ASTN2: variants seen among roughly 807,000 people sequenced by gnomAD.
The protein encoded by ASTN2 is astrotactin 2.
Under a neutral mutation model 139.8 loss-of-function variants are expected in ASTN2, and 54 were observed. The ratio of observed to expected loss-of-function variants is 0.39; its 90% CI spans 0.31 to 0.48. The LOEUF is 0.48. ASTN2 is among the 20% of genes least tolerant of loss of function. The probability of loss-of-function intolerance (pLI) is 0.95; values close to 1 mark genes in which losing one functional copy is unlikely to be tolerated. For synonymous variants in ASTN2, 756 were observed against 719.5 expected, an observed-to-expected ratio of 1.05 and a Z score of -0.81; for missense variants, 1,565 against 1,725.1, an observed-to-expected ratio of 0.91 and a Z score of 1.64.
intron 10 of ASTN2, among the ~76,000 whole-genome samples, chr9:116,897,118 G>C (rs1356704808): frequency 2.0e-5 from 3 of 152,160 alleles, no homozygotes; most frequent in African/African-American, 7.2e-5. Context: ...CTGCCCACCT[G>C]CTCCCAAAAA....
intron 11 of ASTN2, among the ~76,000 whole-genome samples, chr9:116,838,303 T>C (rs1040343448): frequency 6.6e-6 from 1 of 150,636 alleles, no homozygotes; most frequent in Non-Finnish European, 1.5e-5. Flanking sequence ...GAGGCGGGGG[T>C]TTCTCCATGT....
chr9:116,632,173 AGAGAGAGAGAGGG>A lies in ASTN2; in HGVS notation c.3073-11743_3073-11731del, dbSNP rs1564168732. 2.3e-3 allele frequency among the ~76,000 whole-genome samples: 70 copies of A among 30,870 alleles called. 5 individuals carry two copies. The highest frequency in any genetic ancestry group is 9.3e-3 in the African/African-American group (65 of 7,002). The allele number at this position is 30,870 out of a possible 152,430, so 20.3% of individuals were successfully genotyped here. On this transcript the variant is annotated intron_variant, in intron 17 of 22. Transcript: ENST00000313400. ...GAGAGAGAGACAGAGAGAGAGAGAG[AGAGAGAGAGAGGG>A]AGAGAGAGAGAAAGAAAGAAAAGAA...
intron 3 of ASTN2, among the ~76,000 whole-genome samples, chr9:117,148,355 A>G (rs116330861): frequency 0.049 from 7,394 of 152,332 alleles, 313 homozygotes; most frequent in African/African-American, 0.11. Flanking sequence ...TAAATGCTCA[A>G]GAAAGAGTAG....
chr9:116,791,442 G>A (rs1830555829), intron 13 of ASTN2, among the ~76,000 whole-genome samples: 1 of 152,200 alleles, frequency 6.6e-6, no homozygotes, highest in Non-Finnish European at 1.5e-5. Context: ...GCCTTGACCA[G>A]CAGCTGGGCT....
rs193057683 is a variant in ASTN2, at chr9:116,750,722, C to T, written c.2397-17199G>A. Among the ~76,000 whole-genome samples the T allele has an allele frequency of 1.4e-4, 22 of 152,274 alleles. 1 individual carries two copies. The East Asian group carries it at 3.3e-3, about 23-fold the overall frequency. ...TTCCTTCTTATTCAATTCCAACAGT[C>T]CTGTCATAAGTTGGAGCCACAAGCA... On this transcript the variant is annotated intron_variant, in intron 13 of 22. Coordinates refer to ENST00000313400, the MANE Select transcript of ASTN2 (RefSeq NM_001365068.1).
chr9:117,053,754 T>C (rs10121507), intron 5 of ASTN2, among the ~76,000 whole-genome samples: 26,534 of 152,162 alleles, frequency 0.17, 2,561 homozygotes, highest in African/African-American at 0.25. Flanking sequence ...AAGAAAAGAA[T>C]TGGGGCCTTG....
At chr9:116,788,581 T>C (rs1459567308) in intron 13 of ASTN2, among the ~76,000 whole-genome samples, 3 of 152,104 alleles carry the variant, frequency 2.0e-5, no homozygotes, top group Admixed American at 6.5e-5. Flanking sequence ...AGTCATCAGA[T>C]CTCTTTGAGA....
chr9:117,231,956 C>T (rs549892885), intron 2 of ASTN2, among the ~76,000 whole-genome samples: 69 of 152,270 alleles, frequency 4.5e-4, no homozygotes, highest in African/African-American at 1.6e-3. Flanking sequence ...CTTTTCTCAT[C>T]ATTGCTTTTC....
intron 4 of ASTN2, among the ~76,000 whole-genome samples, chr9:117,114,074 T>A (rs1829316288): frequency 6.6e-6 from 1 of 152,186 alleles, no homozygotes; most frequent in African/African-American, 2.4e-5. Flanking sequence ...AAAATTTATA[T>A]GTTAGTAGTT....
intron 19 of ASTN2, among the ~76,000 whole-genome samples, chr9:116,556,612 A>T (rs1171509640): frequency 6.6e-6 from 1 of 152,160 alleles, no homozygotes; most frequent in Non-Finnish European, 1.5e-5. Flanking sequence ...TGAAATAGAG[A>T]GAGAGAAAGT....
intron 2 of ASTN2, among the ~76,000 whole-genome samples, chr9:117,253,527 A>T (rs1833597370): frequency 6.6e-6 from 1 of 151,334 alleles, no homozygotes. Flanking sequence ...TTGTGACAAA[A>T]GCAAGGGAGG....
chr9:116,555,540 G>A (rs1054612300), intron 19 of ASTN2, among the ~76,000 whole-genome samples: 11 of 144,294 alleles, frequency 7.6e-5, no homozygotes, highest in East Asian at 6.9e-4. Flanking sequence ...TCCCCACCCC[G>A]TCCCCACCCC....
At chr9:117,121,214 T>C (rs755242145) in intron 4 of ASTN2, among the ~76,000 whole-genome samples, 2 of 152,122 alleles carry the variant, frequency 1.3e-5, no homozygotes, top group African/African-American at 2.4e-5. Flanking sequence ...TTTCACAGAG[T>C]ATCACATTGG....
chr9:117,232,545 T>C (rs991025377), intron 2 of ASTN2, among the ~76,000 whole-genome samples: 3 of 152,160 alleles, frequency 2.0e-5, no homozygotes, highest in Non-Finnish European at 4.4e-5. Flanking sequence ...GGTGGGAAAA[T>C]ACCCATTTTT....
chr9:117,311,952 G>A (rs1432428456), intron 1 of ASTN2, among the ~76,000 whole-genome samples: 1 of 152,084 alleles, frequency 6.6e-6, no homozygotes, highest in African/African-American at 2.4e-5. Flanking sequence ...AGAATAGCAT[G>A]GTTAGAGGAA....
At chr9:116,449,630 A>G (rs1220937816) in intron 20 of ASTN2, among the ~76,000 whole-genome samples, 1 of 152,180 alleles carries the variant, frequency 6.6e-6, no homozygotes, top group Non-Finnish European at 1.5e-5. Flanking sequence ...GAATATGGGC[A>G]GGCTCATGAG....
At chr9:117,289,654 G>A (rs151298970) in intron 2 of ASTN2, among the ~76,000 whole-genome samples, 157 of 152,174 alleles carry the variant, frequency 1.0e-3, no homozygotes, top group East Asian at 2.5e-3. Flanking sequence ...ACACCCCTCC[G>A]CCTCTTCCTA....
intron 22 of ASTN2, among the ~76,000 whole-genome samples, chr9:116,429,582 A>G (rs1847431509): frequency 6.6e-6 from 1 of 152,190 alleles, no homozygotes; most frequent in Admixed American, 6.5e-5. Context: ...CAAGCACCTG[A>G]TGCTTGCTAG....
At chr9:116,601,180 A>T (rs1854878896) in intron 19 of ASTN2, among the ~76,000 whole-genome samples, 1 of 152,220 alleles carries the variant, frequency 6.6e-6, no homozygotes, top group East Asian at 1.9e-4. Context: ...CTGAGACCTC[A>T]TTGTACAGAC....
Sources: gnomAD v4.1 joint callset for allele counts (sites outside exome capture counted in the v4.1 genomes callset) on GRCh38, gnomAD v4.1.1 for gene constraint, MANE v1.5 for transcripts, NCBI Gene and HGNC (gene_info 2026-07-23, HGNC 2026-07-21) for gene names.